Variants in STPG2 observed in about 807,000 individuals in gnomAD.
STPG2 encodes sperm tail PG-rich repeat containing 2, also known as sperm-tail PG-rich repeat-containing protein 2.
STPG2 carries 56 observed loss-of-function variants against 54.2 expected under a neutral mutation model. The ratio of observed to expected loss-of-function variants is 1.03; its 90% CI spans 0.83 to 1.29. The LOEUF is 1.29. Among genes scored for constraint, STPG2 ranks in the 50% most tolerant of loss-of-function variants. STPG2 has a pLI of 0.00. For synonymous variants in STPG2, 200 were observed against 181.8 expected (o/e 1.10, Z -0.81); for missense variants, 596 against 544.9 (o/e 1.09, Z -0.93).
intron 4 of STPG2, among the ~76,000 whole-genome samples, chr4:97,489,353 A>G (rs1730448449): frequency 6.6e-6 from 1 of 151,802 alleles, no homozygotes; most frequent in Non-Finnish European, 1.5e-5. Context: ...AATATCAGGC[A>G]TCTGGGTCAG....
chr4:97,908,522 C>A (rs1193777209), intron 8 of STPG2, among the ~76,000 whole-genome samples: 1 of 151,838 alleles, frequency 6.6e-6, no homozygotes, highest in African/African-American at 2.4e-5. Context: ...TGGGTATATA[C>A]CCAAAGGATT....
At chr4:97,930,307 T>C (rs1732494900) in intron 8 of STPG2, among the ~76,000 whole-genome samples, 1 of 152,248 alleles carries the variant, frequency 6.6e-6, no homozygotes, top group African/African-American at 2.4e-5. Flanking sequence ...TTTTAGAATT[T>C]TGGGTTGCAC....
chr4:97,945,262 T>C (rs1459232590), intron 7 of STPG2, among the ~76,000 whole-genome samples: 1 of 152,086 alleles, frequency 6.6e-6, no homozygotes, highest in Non-Finnish European at 1.5e-5. Flanking sequence ...TCTGTGTGTC[T>C]TTGCGTACCC....
chr4:97,639,155 C>G (rs1721673460), intron 10 of STPG2, among the ~76,000 whole-genome samples: 1 of 151,912 alleles, frequency 6.6e-6, no homozygotes, highest in Non-Finnish European at 1.5e-5. Flanking sequence ...CCATGGAATA[C>G]TATGCAGCCA....
intron 4 of STPG2, among the ~76,000 whole-genome samples, chr4:97,504,721 T>C (rs1031531376): frequency 6.6e-6 from 1 of 151,944 alleles, no homozygotes; most frequent in African/African-American, 2.4e-5. Flanking sequence ...TGAAAGTGCT[T>C]ATAAGGAACT....
In STPG2 at chr4:97,703,743, C is replaced by CGT. The variant is rs1560727884; in HGVS notation, c.1320+8954_1320+8955dup. ...ATATTTAGTATATATAATATATTATCGTATATATATAGTATATTAGCATAG... is the reference window on the plus strand; with the variant it reads ...ATATTTAGTATATATAATATATTATCGTGTATATATATAGTATATTAGCATAG... On this transcript the variant is annotated intron_variant, in intron 10 of 10. Coordinates refer to ENST00000295268, the MANE Select transcript of STPG2 (RefSeq NM_174952.3). Among the ~76,000 whole-genome samples the CGT allele has an allele frequency of 5.1e-5, 5 of 98,188 alleles. No individual in the cohort carries two copies. In the South Asian group the frequency reaches 1.3e-3, roughly 25 times the overall value. 64.4% of individuals were successfully genotyped at this position (98,188 alleles called of 152,430 possible).
chr4:98,022,036 A>T lies in STPG2; in HGVS notation c.613-40718T>A, dbSNP rs1736224033. Among the ~76,000 whole-genome samples, 6 of 151,776 alleles carry T rather than the reference A, an allele frequency of 4.0e-5. No homozygotes were observed. In the South Asian group the frequency reaches 1.2e-3, roughly 32 times the overall value. On this transcript the variant is annotated intron_variant, in intron 5 of 10. Coordinates refer to ENST00000295268, the MANE Select transcript of STPG2 (RefSeq NM_174952.3). ...ATTTACATTTAAAGTTAATATTGTTATGTGTGAATTTGATCCTGTCATTAT... is the reference window on the plus strand; with the variant it reads ...ATTTACATTTAAAGTTAATATTGTTTTGTGTGAATTTGATCCTGTCATTAT...
chr4:98,046,660 T>C (rs938992471), intron 5 of STPG2, among the ~76,000 whole-genome samples: 1 of 152,284 alleles, frequency 6.6e-6, no homozygotes, highest in Middle Eastern at 3.4e-3. Context: ...GAGTTAGACA[T>C]GTGTTCCAGT....
chr4:97,980,375 A>C (rs527633859), intron 6 of STPG2, among the ~76,000 whole-genome samples: 1 of 152,318 alleles, frequency 6.6e-6, no homozygotes, highest in African/African-American at 2.4e-5. Context: ...TGAGAGATAA[A>C]GTTTCATGTC....
chr4:98,101,864 T>TCCCCCCCCCC (rs140638030), intron 5 of STPG2, among the ~76,000 whole-genome samples: 9 of 143,878 alleles, frequency 6.3e-5, no homozygotes, highest in South Asian at 2.3e-4. Flanking sequence ...TTTCATTATC[T>TCCCCCCCCCC]TCCCCCTCCC....
chr4:97,454,519 CAAAAAAAAAAAAAAAAAAA>C (rs10564687), intron 4 of STPG2, among the ~76,000 whole-genome samples: 36 of 43,690 alleles, frequency 8.2e-4, no homozygotes, highest in East Asian at 3.8e-3. Flanking sequence ...GACTCCGTCT[CAAAAAAAAAAAAAAAAAAA>C]AAAAAAAAAA....
At chr4:97,856,408 T>C (rs1729339277) in intron 8 of STPG2, among the ~76,000 whole-genome samples, 1 of 152,196 alleles carries the variant, frequency 6.6e-6, no homozygotes, top group Non-Finnish European at 1.5e-5. Flanking sequence ...AGGTATTTTA[T>C]TCCCTTTGTA....
At chr4:98,135,711 C>A (rs943825357) in intron 1 of STPG2, among the ~76,000 whole-genome samples, 1 of 151,618 alleles carries the variant, frequency 6.6e-6, no homozygotes, top group Non-Finnish European at 1.5e-5. Context: ...GGAAAGAAGG[C>A]AGACTGACCT....
At chr4:97,563,891 T>C (rs1399382042) in intron 10 of STPG2, among the ~76,000 whole-genome samples, 3 of 151,926 alleles carry the variant, frequency 2.0e-5, no homozygotes, top group Non-Finnish European at 4.4e-5. Flanking sequence ...GGTGTGGTGC[T>C]GAAAAAAATA....
At chr4:97,932,221 TTCG>T (rs1446188453) in intron 8 of STPG2, among the ~76,000 whole-genome samples, 1 of 152,232 alleles carries the variant, frequency 6.6e-6, no homozygotes, top group African/African-American at 2.4e-5. Context: ...TGAATGTTTG[TTCG>T]TGTCTTGATT....
At chr4:97,805,631 T>C (rs1049737010) in intron 9 of STPG2, among the ~76,000 whole-genome samples, 2 of 152,166 alleles carry the variant, frequency 1.3e-5, no homozygotes, top group African/African-American at 4.8e-5. Flanking sequence ...TTCTTGCTGG[T>C]TGATTTGTTA....
intron 8 of STPG2, among the ~76,000 whole-genome samples, chr4:97,871,773 C>G (rs921465527): frequency 6.6e-6 from 1 of 150,882 alleles, no homozygotes; most frequent in South Asian, 2.1e-4. Context: ...AAATGAAGAA[C>G]AAACTTCCAA....
At chr4:97,785,375 T>G (rs1489407593) in intron 9 of STPG2, among the ~76,000 whole-genome samples, 3 of 152,000 alleles carry the variant, frequency 2.0e-5, no homozygotes, top group Non-Finnish European at 4.4e-5. Context: ...TATTAGAGGG[T>G]TTCCCTTTAC....
chr4:98,097,467 G>A (rs1432303270), intron 5 of STPG2, among the ~76,000 whole-genome samples: 1 of 152,088 alleles, frequency 6.6e-6, no homozygotes, highest in Non-Finnish European at 1.5e-5. Context: ...AGGTATAGAA[G>A]GAACATACCT....
Sources: gnomAD v4.1 joint callset for allele counts (sites outside exome capture counted in the v4.1 genomes callset) on GRCh38, gnomAD v4.1.1 for gene constraint, MANE v1.5 for transcripts, NCBI Gene and HGNC (gene_info 2026-07-23, HGNC 2026-07-21) for gene names.